The following CDC27 variants were observed in gnomAD, a reference collection of about 807,000 sequenced individuals.
CDC27 encodes the protein cell division cycle 27.
A neutral mutation model predicts 109.7 loss-of-function variants in CDC27; 27 were observed. The observed-to-expected ratio is 0.25, with a 90% confidence interval of 0.18 to 0.34. The LOEUF (loss-of-function observed/expected upper bound fraction) is 0.34, where lower values mean the gene tolerates loss of function less well. Among genes scored for constraint, CDC27 ranks in the 10% least tolerant of loss-of-function variants. CDC27 has a pLI of 1.00. For synonymous variants in CDC27, 266 were observed against 333.9 expected, an observed-to-expected ratio of 0.80 and a Z score of 2.22; for missense variants, 579 against 960.2, an observed-to-expected ratio of 0.60 and a Z score of 5.25.
At chr17:47,145,796 G>A (rs994873724) in intron 9 of CDC27, among the ~76,000 whole-genome samples, 4 of 151,726 alleles carry the variant, frequency 2.6e-5, no homozygotes, top group Non-Finnish European at 4.4e-5. Context: ...AGCCACTCGC[G>A]GGTTCAAGTG....
intron 10 of CDC27, among the ~76,000 whole-genome samples, chr17:47,143,115 G>C (rs2062848943): frequency 1.3e-5 from 2 of 151,924 alleles, no homozygotes. Context: ...TGGGATCAAA[G>C]AGTACTACCA....
At chr17:47,159,744 G>A in intron 4 of CDC27, 2 of 411,582 alleles carry the variant, frequency 4.9e-6, no homozygotes, top group Non-Finnish European at 9.3e-6. Flanking sequence ...TTCTGCACCG[G>A]CATAATCTTC....
At chr17:47,143,477 G>A (rs766784063) in intron 10 of CDC27, among the ~76,000 whole-genome samples, 28 of 151,960 alleles carry the variant, frequency 1.8e-4, no homozygotes, top group Non-Finnish European at 2.6e-4. Context: ...ATTTTATCAC[G>A]TGAATGGATC....
intron 2 of CDC27, among the ~76,000 whole-genome samples, chr17:47,179,191 T>C (rs1021157472): frequency 2.6e-5 from 4 of 152,236 alleles, no homozygotes; most frequent in African/African-American, 4.8e-5. Context: ...TTCAAGAATT[T>C]GACTTACAGA....
chr17:47,155,466 G>T (rs901472214), intron 7 of CDC27, among the ~76,000 whole-genome samples: 1 of 152,032 alleles, frequency 6.6e-6, no homozygotes, highest in Admixed American at 6.5e-5. Context: ...GACTGGTCTT[G>T]AGCTCCTGGT....
In CDC27 at chr17:47,141,842, T is replaced by C. The variant is rs1278783624; in HGVS notation, c.1551+11A>G. 1.3e-6 allele frequency: 2 copies of C among 1,552,504 alleles called. No individual in the cohort carries two copies. The highest frequency in any genetic ancestry group is 1.7e-6 in the Non-Finnish European group (2 of 1,150,398). ...TCTAGAAAGGCATATATAACCATTT[T>C]CTATACTTACTTGCATGTACTCTGA... On this transcript the variant is annotated intron_variant, in intron 12 of 18. Transcript: ENST00000066544.
chr17:47,134,067 T>C (rs1234627906), intron 14 of CDC27, among the ~76,000 whole-genome samples: 2 of 152,080 alleles, frequency 1.3e-5, no homozygotes, highest in East Asian at 1.9e-4. Flanking sequence ...TATTAACATA[T>C]TTTTAATTTT....
In CDC27 at chr17:47,154,776, A is replaced by T; in HGVS notation, c.853T>A (p.Leu285Met). The T allele has an allele frequency of 6.4e-7, 1 of 1,565,094 alleles. No individual in the cohort carries two copies. Among genetic ancestry groups the T allele is most frequent in the East Asian group, 2.2e-5 (1 of 44,566 alleles). Residue 285 changes from leucine (L) to methionine (M), a missense_variant, in exon 8 of 19, where the codon TTG (leucine) becomes ATG (methionine). By Grantham distance (15) the Leu-to-Met change is conservative. Coordinates refer to ENST00000066544, the MANE Select transcript of CDC27 (RefSeq NM_001256.6). ...CCAGGACTTGGGGTTTCTAATGGCA[A>T]AATCCCAAAACTGAGAAGAGGTTGA... ...LSPLTPSFGI[L>M]PLETPSPGDG...
chr17:47,137,806 T>TTC (rs1555786162), intron 13 of CDC27, among the ~76,000 whole-genome samples: 6 of 57,748 alleles, frequency 1.0e-4, no homozygotes, highest in Non-Finnish European at 2.9e-4. Flanking sequence ...ATTCTCTCTC[T>TTC]TTTTTTTTTT....
At chr17:47,133,028 T>TATACACACAC (rs1555783886) in intron 14 of CDC27, among the ~76,000 whole-genome samples, 77 of 29,790 alleles carry the variant, frequency 2.6e-3, no homozygotes, top group African/African-American at 3.4e-3. Flanking sequence ...TATATATATA[T>TATACACACAC]ACACACACAC....
At chr17:47,169,457 G>A (rs1186078603) in intron 4 of CDC27, among the ~76,000 whole-genome samples, 1 of 151,800 alleles carries the variant, frequency 6.6e-6, no homozygotes, top group Non-Finnish European at 1.5e-5. Context: ...GACCAGCCTG[G>A]CCAACATGGT....
rs549418616 is a variant in CDC27 at position 47,181,559 on chromosome 17, A to G, written c.103+3T>C. The G allele has an allele frequency of 1.1e-5, 17 of 1,566,668 alleles. No individual in the cohort carries two copies. In the South Asian group the frequency reaches 1.8e-4, roughly 17 times the overall value. On this transcript the variant is annotated splice_donor_region_variant and intron_variant, in intron 2 of 18. Coordinates refer to ENST00000066544, the MANE Select transcript of CDC27 (RefSeq NM_001256.6). ...ATTCTACAGCAATGAATAGATTTCA[A>G]ACCTTCTGCATAAAGGCGTTCTGCG...
intron 8 of CDC27, among the ~76,000 whole-genome samples, chr17:47,153,757 T>A (rs1424480354): frequency 6.6e-6 from 1 of 152,176 alleles, no homozygotes; most frequent in Non-Finnish European, 1.5e-5. Context: ...TTTTGGCCTC[T>A]ATTTCCATAT....
intron 14 of CDC27, among the ~76,000 whole-genome samples, chr17:47,135,641 C>T (rs1187365605): frequency 6.6e-6 from 1 of 152,112 alleles, no homozygotes; most frequent in Non-Finnish European, 1.5e-5. Flanking sequence ...TATTTAGTTA[C>T]CTAAATACGT....
chr17:47,146,322 G>A (rs1404794774), intron 9 of CDC27, among the ~76,000 whole-genome samples: 1 of 152,244 alleles, frequency 6.6e-6, no homozygotes, highest in African/African-American at 2.4e-5. Context: ...TGGGTGGCCT[G>A]GGGAACCCAG....
At chr17:47,138,007 C>T (rs576980520) in intron 13 of CDC27, among the ~76,000 whole-genome samples, 2 of 152,014 alleles carry the variant, frequency 1.3e-5, no homozygotes, top group South Asian at 2.1e-4. Flanking sequence ...GCCATGTTGC[C>T]GAGGCTGGTC....
chr17:47,188,296 C>T (rs962229943), intron 1 of CDC27, among the ~76,000 whole-genome samples: 1 of 152,118 alleles, frequency 6.6e-6, no homozygotes, highest in Non-Finnish European at 1.5e-5. Context: ...ACAGTTTCTC[C>T]AGATGTCAGG....
chr17:47,181,069 T>G (rs530738805), intron 2 of CDC27, among the ~76,000 whole-genome samples: 1 of 139,488 alleles, frequency 7.2e-6, no homozygotes, highest in Non-Finnish European at 1.5e-5. Flanking sequence ...CTGGGCAACA[T>G]AGCAAAACCC....
At chr17:47,125,113 T>C (rs1193794336) in intron 16 of CDC27, among the ~76,000 whole-genome samples, 1 of 151,906 alleles carries the variant, frequency 6.6e-6, no homozygotes, top group East Asian at 1.9e-4. Flanking sequence ...GAGATGGGGT[T>C]TCACTAAAGT....
Sources: gnomAD v4.1 joint callset for allele counts (sites outside exome capture counted in the v4.1 genomes callset) on GRCh38, gnomAD v4.1.1 for gene constraint, MANE v1.5 for transcripts, NCBI Gene and HGNC (gene_info 2026-07-23, HGNC 2026-07-21) for gene names.